The following PRKACB variants were observed in gnomAD, a reference collection of about 807,000 sequenced individuals.
PRKACB encodes cAMP-dependent protein kinase catalytic subunit beta.
In PRKACB, 16 loss-of-function variants were observed where a neutral mutation model predicts 51.4. The ratio of observed to expected loss-of-function variants is 0.31; its 90% CI spans 0.21 to 0.47. The LOEUF (loss-of-function observed/expected upper bound fraction) is 0.47, where lower values mean the gene tolerates loss of function less well. Ranked by LOEUF, PRKACB falls within the 20% of genes least tolerant of loss-of-function variation. The pLI is 1.00. For missense variants in PRKACB, 309 were observed against 464.5 expected, an observed-to-expected ratio of 0.67 and a Z score of 3.08; for synonymous variants, 147 against 154.4, an observed-to-expected ratio of 0.95 and a Z score of 0.35.
At chr1:84,095,386 T>A (rs1336449933) in intron 1 of PRKACB, among the ~76,000 whole-genome samples, 1 of 151,982 alleles carries the variant, frequency 6.6e-6, no homozygotes, top group Non-Finnish European at 1.5e-5. Context: ...TTTTTTACCT[T>A]CACTTTTTCA....
chr1:84,085,933 C>G (rs1647941032), intron 1 of PRKACB: 2 of 680,620 alleles, frequency 2.9e-6, no homozygotes, highest in Non-Finnish European at 5.4e-6. Context: ...CATTAATATC[C>G]AGGATGGACC....
At chr1:84,121,345 G>A (rs1056274321) in intron 1 of PRKACB, among the ~76,000 whole-genome samples, 7 of 151,618 alleles carry the variant, frequency 4.6e-5, no homozygotes, top group African/African-American at 1.7e-4. Context: ...ATTTGAAGAT[G>A]AAAAAGGAGG....
intron 5 of PRKACB, 79 bp downstream of exon 5, chr1:84,185,261 A>G: frequency 1.9e-6 from 2 of 1,039,984 alleles, no homozygotes; most frequent in Non-Finnish European, 2.8e-6. Context: ...TGCCAATGCC[A>G]AAAACTTATT....
At chr1:84,229,859 G>A (rs1333019890) in intron 9 of PRKACB, among the ~76,000 whole-genome samples, 2,831 of 151,766 alleles carry the variant, frequency 0.019, 99 homozygotes, top group African/African-American at 0.065. Flanking sequence ...TAGGTTGCAA[G>A]AATTTTCTCC....
chr1:84,113,035 AC>A (rs1208995626), intron 1 of PRKACB, among the ~76,000 whole-genome samples: 1 of 152,222 alleles, frequency 6.6e-6, no homozygotes, highest in African/African-American at 2.4e-5. Context: ...AAATAGAAAA[AC>A]ATAGCAAAGG....
At position 84,185,173 on chromosome 1, in the gene PRKACB, GA is replaced by G; in HGVS notation, c.553del (p.Arg185GlyfsTer14). The G allele has an allele frequency of 6.6e-7, 1 of 1,508,802 alleles. No homozygotes were observed. Among genetic ancestry groups the G allele is most frequent in the South Asian group, 1.3e-5 (1 of 75,544 alleles). The allele number at this position is 1,508,802 out of a possible 1,614,324, so 93.5% of individuals were successfully genotyped here. On this transcript the variant is annotated frameshift_variant, in exon 5 of 10. Transcript: ENST00000370685. LOFTEE classifies it high-confidence loss of function. ...ATGTTTTCACATCTAAGAAGAATTG[GA>G]AGGTTCAGGTAACTAATGGTTTTGC... ...GEMFSHLRRI[G>X]RFSEPHARFY...
Position 84,087,685 on chromosome 1 carries a change from T to C in PRKACB, c.46+9314T>C, listed in dbSNP as rs374424580. On this transcript the variant is annotated intron_variant, in intron 1 of 8. Transcript: ENST00000370688. ...TGTGTACCATCGAGGCTTGTTTTTTTACTCTTGATAGGTTTTATAATCTCT... is the reference window on the plus strand; with the variant it reads ...TGTGTACCATCGAGGCTTGTTTTTTCACTCTTGATAGGTTTTATAATCTCT... Among the ~76,000 whole-genome samples, 19 of 152,278 alleles carry C rather than the reference T, an allele frequency of 1.2e-4. No homozygotes were observed. In the South Asian group the frequency reaches 3.7e-3, roughly 30 times the overall value.
chr1:84,099,830 G>A (rs901224803), intron 1 of PRKACB, among the ~76,000 whole-genome samples: 10 of 152,004 alleles, frequency 6.6e-5, no homozygotes, highest in African/African-American at 1.7e-4. Context: ...TCTTGGTACC[G>A]AGAAGATGCT....
At chr1:84,135,713 A>C (rs1652733509) in intron 1 of PRKACB, among the ~76,000 whole-genome samples, 1 of 152,180 alleles carries the variant, frequency 6.6e-6, no homozygotes, top group Non-Finnish European at 1.5e-5. Context: ...TTTAAGCTAA[A>C]TGATAATCAG....
At chr1:84,087,951 A>C (rs1160382541) in intron 1 of PRKACB, among the ~76,000 whole-genome samples, 2 of 152,206 alleles carry the variant, frequency 1.3e-5, no homozygotes, top group African/African-American at 4.8e-5. Flanking sequence ...TGTAGCTTAT[A>C]GTCTGGTAAA....
intron 2 of PRKACB, 52 bp downstream of exon 2, chr1:84,179,290 C>G: frequency 6.8e-7 from 1 of 1,479,604 alleles, no homozygotes; most frequent in Non-Finnish European, 9.0e-7. Context: ...TTAATAAAAT[C>G]AGGATTCTTG....
At chr1:84,098,580 A>G (rs1469302564) in intron 1 of PRKACB, among the ~76,000 whole-genome samples, 1 of 152,124 alleles carries the variant, frequency 6.6e-6, no homozygotes, top group Non-Finnish European at 1.5e-5. Context: ...AAAGTCATCT[A>G]GAAGAGTGGG....
intron 1 of PRKACB, among the ~76,000 whole-genome samples, chr1:84,078,633 A>G (rs1376499923): frequency 6.6e-6 from 1 of 151,982 alleles, no homozygotes; most frequent in East Asian, 1.9e-4. Flanking sequence ...CACTCTAGCG[A>G]GGAGGACTTG....
At chr1:84,181,072 A>G (rs1487564707) in intron 2 of PRKACB, among the ~76,000 whole-genome samples, 1 of 152,054 alleles carries the variant, frequency 6.6e-6, no homozygotes, top group African/African-American at 2.4e-5. Context: ...TTAAGCTGTG[A>G]AATCAAACTA....
intron 9 of PRKACB, 110 bp from the exon 10 acceptor site, chr1:84,235,070 C>G (rs1158881293): frequency 8.4e-7 from 1 of 1,196,202 alleles, no homozygotes. Context: ...CTAATGGCAT[C>G]TAAGGATTTC....
At chr1:84,086,234 C>G in intron 1 of PRKACB, 1 of 1,570,844 alleles carries the variant, frequency 6.4e-7, no homozygotes, top group Non-Finnish European at 8.7e-7. Context: ...GATTGGCTGA[C>G]AAGCAAGGAC....
At chr1:84,217,009 G>C (rs1416878781) in intron 9 of PRKACB, among the ~76,000 whole-genome samples, 1 of 152,164 alleles carries the variant, frequency 6.6e-6, no homozygotes, top group Non-Finnish European at 1.5e-5. Context: ...AGCAAAAAAA[G>C]AGAATGAACT....
upstream of PRKACB, among the ~76,000 whole-genome samples, chr1:84,143,958 T>C (rs766482876): frequency 2.0e-5 from 3 of 152,132 alleles, no homozygotes; most frequent in Admixed American, 6.6e-5. Flanking sequence ...CTTTAGCATG[T>C]TGTGTTTGGA....
At chr1:84,078,265 T>C (rs545235299) in exon 1 of PRKACB, 1,269 of 1,524,360 alleles carry the variant, frequency 8.3e-4, no homozygotes, top group Non-Finnish European at 1.1e-3. Flanking sequence ...GACTGTGGAG[T>C]GGCGGGCACG....
Sources: allele counts gnomAD v4.1 joint callset (sites outside exome capture counted in the v4.1 genomes callset), GRCh38; gene constraint gnomAD v4.1.1; transcripts MANE v1.5; gene names NCBI Gene and HGNC (gene_info 2026-07-23, HGNC 2026-07-21).